THSD7B: variants seen among roughly 807,000 people sequenced by gnomAD.
THSD7B encodes the protein thrombospondin type 1 domain containing 7B.
In THSD7B, 138 loss-of-function variants were observed where a neutral mutation model predicts 213.6. That is an observed-to-expected ratio of 0.65 (90% CI 0.56 to 0.74). The LOEUF is 0.74. THSD7B is among the 30% of genes least tolerant of loss of function. The pLI is 0.00. For missense variants in THSD7B, 1,931 were observed against 1,991.5 expected (o/e 0.97, Z 0.58); for synonymous variants, 742 against 687.0 (o/e 1.08, Z -1.25).
intron 15 of THSD7B, among the ~76,000 whole-genome samples, chr2:137,556,315 G>A (rs1680965885): frequency 1.3e-5 from 2 of 151,990 alleles, no homozygotes; most frequent in South Asian, 4.1e-4. Flanking sequence ...ACCCACAAAG[G>A]GAAGCCCATC....
chr2:137,434,223 G>T (rs532897895), intron 14 of THSD7B, among the ~76,000 whole-genome samples: 1 of 152,288 alleles, frequency 6.6e-6, no homozygotes, highest in South Asian at 2.1e-4. Context: ...TTGTTTATGA[G>T]GGTATCAGGA....
At chr2:137,330,651 G>A (rs774790627) in intron 12 of THSD7B, among the ~76,000 whole-genome samples, 1 of 152,106 alleles carries the variant, frequency 6.6e-6, no homozygotes, top group Non-Finnish European at 1.5e-5. Context: ...TGAGCTCATG[G>A]TCTCGCTGGC....
chr2:136,931,269 T>TGTTA (rs1684622599), intron 2 of THSD7B, among the ~76,000 whole-genome samples: 2 of 152,166 alleles, frequency 1.3e-5, no homozygotes, highest in African/African-American at 4.8e-5. Flanking sequence ...TACATGCATG[T>TGTTA]GTTAGTACAG....
chr2:137,601,353 C>A (rs932574327), intron 17 of THSD7B, among the ~76,000 whole-genome samples: 1 of 152,108 alleles, frequency 6.6e-6, no homozygotes, highest in Non-Finnish European at 1.5e-5. Context: ...AGAGGTGTAC[C>A]ATTTTTTAAA....
chr2:137,645,236 ATAGT>A (rs1319843645), intron 21 of THSD7B, among the ~76,000 whole-genome samples: 3 of 152,226 alleles, frequency 2.0e-5, no homozygotes, highest in Non-Finnish European at 4.4e-5. Flanking sequence ...CTCAATAGTT[ATAGT>A]TAGTATTATA....
chr2:137,609,704 A>T (rs571027284), intron 17 of THSD7B, among the ~76,000 whole-genome samples: 1 of 152,320 alleles, frequency 6.6e-6, no homozygotes, highest in South Asian at 2.1e-4. Context: ...ATTTAAGGGT[A>T]TGGAAGAGAG....
At chr2:137,000,074 C>T (rs1573758683) in intron 2 of THSD7B, among the ~76,000 whole-genome samples, 1 of 152,150 alleles carries the variant, frequency 6.6e-6, no homozygotes, top group East Asian at 1.9e-4. Flanking sequence ...GACTGGCTAT[C>T]GGTTTCTCTC....
At chr2:137,157,964 G>T (rs918232865) in intron 5 of THSD7B, among the ~76,000 whole-genome samples, 6 of 152,132 alleles carry the variant, frequency 3.9e-5, no homozygotes, top group African/African-American at 1.4e-4. Flanking sequence ...ACATGTATAA[G>T]ACCAGATTGA....
chr2:137,487,586 A>T (rs1688489813), intron 15 of THSD7B, among the ~76,000 whole-genome samples: 1 of 151,800 alleles, frequency 6.6e-6, no homozygotes, highest in African/African-American at 2.4e-5. Context: ...AAAGAAGAAA[A>T]GAGAGAAGAA....
chr2:137,569,181 G>A (rs1445937091), intron 16 of THSD7B, among the ~76,000 whole-genome samples: 2 of 152,176 alleles, frequency 1.3e-5, no homozygotes, highest in Non-Finnish European at 2.9e-5. Flanking sequence ...CCCTGAACCT[G>A]GAAAAGGCAA....
At chr2:136,769,544 T>C (rs1486719641) in intron 1 of THSD7B, among the ~76,000 whole-genome samples, 1 of 152,018 alleles carries the variant, frequency 6.6e-6, no homozygotes. Context: ...AATCTAAGCG[T>C]GGTTTGTAAG....
intron 2 of THSD7B, among the ~76,000 whole-genome samples, chr2:136,956,179 A>G (rs1685120523): frequency 6.6e-6 from 1 of 152,230 alleles, no homozygotes; most frequent in South Asian, 2.1e-4. Flanking sequence ...AAGGAAGCTA[A>G]CTGCATGAAT....
intron 15 of THSD7B, among the ~76,000 whole-genome samples, chr2:137,487,229 G>A (rs1246578024): frequency 1.4e-5 from 2 of 147,778 alleles, no homozygotes; most frequent in Admixed American, 6.7e-5. Context: ...TTAGCCGGGC[G>A]CAGTGGCGGG....
At chr2:137,526,665 C>G (rs537201893) in intron 15 of THSD7B, among the ~76,000 whole-genome samples, 1 of 152,248 alleles carries the variant, frequency 6.6e-6, no homozygotes, top group Admixed American at 6.5e-5. Flanking sequence ...CTCAGGTGAT[C>G]CATCCACCTT....
chr2:137,097,347 T>C (rs1490451474), intron 4 of THSD7B, among the ~76,000 whole-genome samples: 1 of 152,200 alleles, frequency 6.6e-6, no homozygotes, highest in African/African-American at 2.4e-5. Flanking sequence ...ATCAAGTACC[T>C]ACTGTTGGCC....
At chr2:137,233,705 T>G (rs911048887) in intron 9 of THSD7B, among the ~76,000 whole-genome samples, 1 of 152,182 alleles carries the variant, frequency 6.6e-6, no homozygotes. Context: ...AGGATATAGA[T>G]GTCAAAACGA....
At chr2:137,033,796 T>G (rs569652239) in intron 2 of THSD7B, among the ~76,000 whole-genome samples, 1 of 152,054 alleles carries the variant, frequency 6.6e-6, no homozygotes, top group East Asian at 1.9e-4. Context: ...TTAACACTTT[T>G]TTTTGTTATT....
intron 12 of THSD7B, among the ~76,000 whole-genome samples, chr2:137,368,444 T>C (rs1329904580): frequency 6.6e-6 from 1 of 152,122 alleles, no homozygotes; most frequent in East Asian, 1.9e-4. Context: ...AATTATATTA[T>C]GAGTAAGGAG....
At chr2:137,341,106 A>G (rs553607918) in intron 12 of THSD7B, among the ~76,000 whole-genome samples, 18 of 149,322 alleles carry the variant, frequency 1.2e-4, no homozygotes, top group African/African-American at 4.4e-4. Flanking sequence ...CCTTGCCAAC[A>G]CTTGTTATCT....
Sources: gnomAD v4.1 joint callset for allele counts (sites outside exome capture counted in the v4.1 genomes callset) on GRCh38, gnomAD v4.1.1 for gene constraint, MANE v1.5 for transcripts, NCBI Gene and HGNC (gene_info 2026-07-23, HGNC 2026-07-21) for gene names.